Variants in DMPK observed in about 807,000 individuals in gnomAD.
DMPK encodes DM1 protein kinase, also known as myotonin-protein kinase.
In DMPK, 32 loss-of-function variants were observed where a neutral mutation model predicts 70.3. The observed-to-expected ratio is 0.46, with a 90% CI of 0.34 to 0.61. DMPK has a LOEUF of 0.61. DMPK is among the 20% of genes least tolerant of loss of function. DMPK has a pLI of 0.01. For missense variants in DMPK, 899 were observed against 886.0 expected (o/e 1.01, Z -0.19); for synonymous variants, 469 against 390.9 (o/e 1.20, Z -2.36).
chr19:45,782,154 C>A, intron 1 of DMPK, 39 bp downstream of exon 1: 1 of 1,150,610 alleles, frequency 8.7e-7, no homozygotes, highest in South Asian at 1.8e-5. Flanking sequence ...CTGCCCCACC[C>A]CCACCCCATC....
chr19:45,773,539 A>G (rs1568576463), intron 9 of DMPK, among the ~76,000 whole-genome samples: 1 of 152,258 alleles, frequency 6.6e-6, no homozygotes, highest in Admixed American at 6.5e-5. Flanking sequence ...AACATGTGTC[A>G]GTACACGTGT....
intron 2 of DMPK, 97 bp from the exon 3 acceptor site, chr19:45,779,619 C>T: frequency 6.4e-7 from 1 of 1,563,826 alleles, no homozygotes; most frequent in Non-Finnish European, 8.7e-7. Context: ...GCCGTGGCCC[C>T]GCCCCACCTG....
chr19:45,775,563 G>T lies in DMPK; in HGVS notation c.1147-529C>A, dbSNP rs189244368. Among the ~76,000 whole-genome samples, 10 of 108,334 alleles carry T rather than the reference G, an allele frequency of 9.2e-5. 3 individuals carry two copies. In the East Asian group the frequency reaches 3.4e-3, roughly 36 times the overall value. The allele number at this position is 108,334 out of a possible 152,430, so 71.1% of individuals were successfully genotyped here. On this transcript the variant is annotated intron_variant, in intron 8 of 14. Transcript: ENST00000291270. ...TGGAGTCTTGCTGTCTCCCAGCCTAGAGTGCAGTGGCACAACCCCAGCCCA... is the reference window on the plus strand; with the variant it reads ...TGGAGTCTTGCTGTCTCCCAGCCTATAGTGCAGTGGCACAACCCCAGCCCA...
At chr19:45,778,011 T>C (rs557722032) in intron 6 of DMPK, 116 bp downstream of exon 6, 1 of 1,217,636 alleles carries the variant, frequency 8.2e-7, no homozygotes, top group African/African-American at 1.5e-5. Flanking sequence ...GATGCACACT[T>C]AAGCCTGGGT....
Position 45,779,376 on chromosome 19 carries a change from G to C in DMPK, c.337-17C>G. On this transcript the variant is annotated splice_polypyrimidine_tract_variant and intron_variant, in intron 3 of 14. Coordinates refer to ENST00000291270, the MANE Select transcript of DMPK (RefSeq NM_004409.5). ...GCACGACACCTGCAGGGCACCCGGA[G>C]GAGCTGCAGCCGGAGACGGGGCGCG... 1 of 1,614,046 alleles carries C rather than the reference G, an allele frequency of 6.2e-7. No homozygotes were observed. Among genetic ancestry groups the C allele is most frequent in the Non-Finnish European group, 8.5e-7 (1 of 1,180,012 alleles).
rs772207631 is a variant in DMPK, at chr19:45,779,394, G to C, written c.337-35C>G. 1.6e-5 allele frequency: 26 copies of C among 1,613,748 alleles called. 2 individuals carry two copies. In the South Asian group the frequency reaches 2.7e-4, roughly 17 times the overall value. On this transcript the variant is annotated intron_variant, in intron 3 of 14. Transcript: ENST00000291270. Reference sequence around the variant, plus strand: ...ACCCGGAGGAGCTGCAGCCGGAGACGGGGCGCGGATCCTCAAAGCCCCCCA... The same window carrying C: ...ACCCGGAGGAGCTGCAGCCGGAGACCGGGCGCGGATCCTCAAAGCCCCCCA...
chr19:45,774,766 A>C (rs1969683423), intron 9 of DMPK, among the ~76,000 whole-genome samples, 183 bp downstream of exon 9: 1 of 152,174 alleles, frequency 6.6e-6, no homozygotes, highest in Non-Finnish European at 1.5e-5. Context: ...ATTCAATCTA[A>C]CATTTTGAAG....
At chr19:45,770,733 T>A (rs1161028279) in intron 14 of DMPK, 93 bp from the exon 15 acceptor site, 9 of 1,387,344 alleles carry the variant, frequency 6.5e-6, no homozygotes, top group Non-Finnish European at 8.8e-6. Context: ...GCCCGCACTC[T>A]TCCCTGCGCC....
At position 45,777,903 on chromosome 19, in the gene DMPK, G is replaced by T. The variant is rs779440487; in HGVS notation, c.676-30C>A. The T allele has an allele frequency of 1.3e-6, 2 of 1,583,318 alleles. No individual in the cohort carries two copies. On this transcript the variant is annotated intron_variant, in intron 6 of 14. Coordinates refer to ENST00000291270, the MANE Select transcript of DMPK (RefSeq NM_004409.5). The surrounding 1 kb of genome is among the most constrained non-coding windows in gnomAD (Gnocchi z 6.7). Reference sequence around the variant, plus strand: ...ACCAAAAGGAGCAGAGCGAGGCTTGGGCCCACCCCTCTGGGCCCACCAGCT... The same window carrying T: ...ACCAAAAGGAGCAGAGCGAGGCTTGTGCCCACCCCTCTGGGCCCACCAGCT...
chr19:45,778,336 G>T, intron 5 of DMPK, 116 bp from the exon 6 acceptor site: 1 of 1,370,662 alleles, frequency 7.3e-7, no homozygotes, highest in Non-Finnish European at 1.0e-6. Flanking sequence ...TTCCGCCCCT[G>T]TAGGGCTTCT....
In DMPK at chr19:45,779,824, T is replaced by A. The variant is rs755248058; in HGVS notation, c.206A>T (p.Asp69Val). Residue 69 changes from aspartate (D) to valine (V), a missense_variant, in exon 2 of 15, where the codon GAC becomes GTC. Asp to Val is a radical substitution (Grantham distance 152, BLOSUM62 -3). Around this residue, in one of 3 missense-constraint regions of DMPK, gnomAD observed 149 missense variants for 142.5 expected, o/e 1.05. Transcript: ENST00000291270. ...GATCACCTTCAGAATCTCGAAGTCG[T>A]CCCTCTGCAGTCGGACCTCCTTAAG... ...VRLKEVRLQR[D>V]DFEILKVIGR... The A allele has an allele frequency of 6.3e-7, 1 of 1,591,332 alleles. No homozygotes were observed. Among genetic ancestry groups the A allele is most frequent in the Admixed American group, 1.7e-5 (1 of 57,588 alleles).
chr19:45,770,662 A>G, intron 14 of DMPK, 22 bp from the exon 15 acceptor site: 1 of 1,548,392 alleles, frequency 6.5e-7, no homozygotes, highest in Non-Finnish European at 8.7e-7. Flanking sequence ...GGGCGAGGTC[A>G]ACACCCGGCA....
In DMPK at chr19:45,771,935, A is replaced by G. The variant is rs498916; in HGVS notation, c.1345-7T>C. On this transcript the variant is annotated splice_polypyrimidine_tract_variant and splice_region_variant and intron_variant, in intron 10 of 14. Coordinates refer to ENST00000291270, the MANE Select transcript of DMPK (RefSeq NM_004409.5). ...CTGGAACTGCCACTTCAGCCTGTGT[A>G]TGGGGACCAGGCTTAAGGCTGCCTG... 6.3e-7 allele frequency: 1 copy of G among 1,587,546 alleles called. No homozygotes were observed. The highest frequency in any genetic ancestry group is 8.6e-7 in the Non-Finnish European group (1 of 1,166,056).
intron 1 of DMPK, among the ~76,000 whole-genome samples, chr19:45,781,125 T>C (rs1337207780): frequency 6.6e-6 from 1 of 152,084 alleles, no homozygotes; most frequent in East Asian, 1.9e-4. Flanking sequence ...GAACCAGGCC[T>C]GGGTCAGAAA....
rs780397803 is a variant in DMPK, at chr19:45,771,776, G to T, written c.1497C>A (p.Phe499Leu). 2.5e-6 allele frequency: 4 copies of T among 1,574,876 alleles called. No individual in the cohort carries two copies. The East Asian group carries it at 9.4e-5, about 37-fold the overall frequency. The change falls in exon 11 of 15, where the codon TTC becomes TTA. Residue 499 changes from phenylalanine (F) to leucine (L), a missense_variant. Physicochemically the swap from Phe to Leu is conservative, Grantham distance 22. Transcript: ENST00000291270. ...GCCCCGGCCCCGATCCCGACCTGGC[G>T]AAGTTCTGGTTGTCCGTGCGGATGG... is the stretch of plus-strand genomic sequence containing the variant. The part of the protein sequence containing the change: ...MEAIRTDNQN[F>L]ASQLREAEAR...
intron 8 of DMPK, among the ~76,000 whole-genome samples, chr19:45,776,187 A>G (rs1326010346): frequency 1.5e-5 from 1 of 68,896 alleles, no homozygotes; most frequent in Non-Finnish European, 2.7e-5. Context: ...TCTGTCGCCC[A>G]GGCTGGAGTG....
At position 45,778,661 on chromosome 19, in the gene DMPK, GGGTGGTT is replaced by G. The variant is rs1378920363; in HGVS notation, c.433-27_433-21del. 1.1e-5 allele frequency: 17 copies of G among 1,611,170 alleles called. No homozygotes were observed. The highest frequency in any genetic ancestry group is 1.4e-5 in the Non-Finnish European group (17 of 1,178,366). On this transcript the variant is annotated intron_variant, in intron 4 of 14. Transcript: ENST00000291270. ...CAGGTACTGAGAAGGGGTTCGTCAT[GGGTGGTT>G]GGTAGTCCCCTGAGGCCCTGATCCA...
Position 45,777,617 on chromosome 19 carries a change from C to G in DMPK, c.883-27G>C. ...TGCTCAGAGGGAGAGGAGGCGATAG[C>G]CTGGGAGCGCCTACCGGGAGAGGCC... On this transcript the variant is annotated intron_variant, in intron 7 of 14. Coordinates refer to ENST00000291270, the MANE Select transcript of DMPK (RefSeq NM_004409.5). This position sits in a 1 kb window ranked among gnomAD's most constrained non-coding sequence, Gnocchi z 6.7. The G allele has an allele frequency of 6.2e-7, 1 of 1,612,924 alleles. No homozygotes were observed. The highest frequency in any genetic ancestry group is 8.5e-7 in the Non-Finnish European group (1 of 1,179,456).
chr19:45,777,857 G>A lies in DMPK; in HGVS notation c.692C>T (p.Ala231Val). The part of the protein sequence containing the change: ...RADGTVRSLV[A>V]VGTPDYLSPE... Reference sequence around the variant, plus strand: ...GGACAGGTAGTCTGGGGTGCCCACAGCCACCAGCGACCGCACCTGGACCAA... The same window carrying A: ...GGACAGGTAGTCTGGGGTGCCCACAACCACCAGCGACCGCACCTGGACCAA... Residue 231 changes from alanine to valine, a missense_variant, in exon 7 of 15, where the codon GCT (alanine) becomes GTT (valine). By Grantham distance (64) the Ala-to-Val change is moderately conservative (BLOSUM62 0). This residue lies in a region of DMPK where 195 missense variants were observed against 259.7 expected (regional missense o/e 0.75). Coordinates refer to ENST00000291270, the MANE Select transcript of DMPK (RefSeq NM_004409.5). This position sits in a 1 kb window ranked among gnomAD's most constrained non-coding sequence, Gnocchi z 6.7. 6.2e-7 allele frequency: 1 copy of A among 1,609,216 alleles called. No individual in the cohort carries two copies.
Sources: gnomAD v4.1 joint callset for allele counts (sites outside exome capture counted in the v4.1 genomes callset) on GRCh38, gnomAD v4.1.1 for gene constraint, gnomAD v4.1.1 regional missense constraint, Gnocchi (gnomAD v3.1) non-coding constraint, MANE v1.5 for transcripts, NCBI Gene and HGNC (gene_info 2026-07-23, HGNC 2026-07-21) for gene names.